Variants in TNRC6A observed in about 807,000 individuals in gnomAD.
The protein encoded by TNRC6A is trinucleotide repeat-containing gene 6A protein.
In TNRC6A, 44 loss-of-function variants were observed where a neutral mutation model predicts 221.2. That is an observed-to-expected ratio of 0.20 (90% CI 0.16 to 0.26). The LOEUF (loss-of-function observed/expected upper bound fraction) is 0.26, where lower values mean the gene tolerates loss of function less well. TNRC6A is among the 10% of genes least tolerant of loss of function. The probability of loss-of-function intolerance (pLI) is 1.00; values close to 1 mark genes in which losing one functional copy is unlikely to be tolerated. For missense variants in TNRC6A, 2,199 were observed against 2,404.4 expected, an observed-to-expected ratio of 0.91 and a Z score of 1.79; for synonymous variants, 847 against 838.5, an observed-to-expected ratio of 1.01 and a Z score of -0.18.
intron 2 of TNRC6A, among the ~76,000 whole-genome samples, chr16:24,684,302 G>T (rs545277008): frequency 1.3e-5 from 2 of 152,126 alleles, no homozygotes. Flanking sequence ...CTACTTGGGG[G>T]GCTGAGGTGG....
intron 1 of TNRC6A, 119 bp downstream of exon 1, chr16:24,729,965 C>T (rs1490717898): frequency 2.1e-6 from 2 of 958,858 alleles, no homozygotes; most frequent in Non-Finnish European, 2.6e-6. Context: ...GACTTCGGGC[C>T]TCGGCGGGAG....
At chr16:24,620,606 G>A (rs921472683) in intron 1 of TNRC6A, among the ~76,000 whole-genome samples, 5 of 152,016 alleles carry the variant, frequency 3.3e-5, no homozygotes, top group Admixed American at 1.3e-4. Flanking sequence ...TCAGGAGTTC[G>A]AGACCAGCTT....
intron 23 of TNRC6A, 51 bp from the exon 24 acceptor site, chr16:24,822,823 G>A (rs2058793494): frequency 6.2e-7 from 1 of 1,609,432 alleles, no homozygotes; most frequent in South Asian, 1.1e-5. Context: ...ACAGCCTCCT[G>A]GAGGGCCCGC....
intron 2 of TNRC6A, among the ~76,000 whole-genome samples, chr16:24,705,035 A>G (rs1457992405): frequency 6.6e-6 from 1 of 152,294 alleles, no homozygotes; most frequent in East Asian, 1.9e-4. Context: ...GCGCAAGTGG[A>G]GTCATTCTAG....
At chr16:24,793,415 T>C (rs1742943748) in intron 6 of TNRC6A, 58 bp from the exon 7 acceptor site, 1 of 1,296,182 alleles carries the variant, frequency 7.7e-7, no homozygotes, top group South Asian at 2.9e-5. Context: ...TTGTCCCTTA[T>C]TCCACTGCAC....
At chr16:24,805,879 A>C in intron 15 of TNRC6A, 146 bp downstream of exon 15, 2 of 1,134,910 alleles carry the variant, frequency 1.8e-6, no homozygotes, top group South Asian at 3.1e-5. Flanking sequence ...CGGGGGAGAC[A>C]GATCGTGAAC....
At position 24,777,166 on chromosome 16, in the gene TNRC6A, C is replaced by T. The variant is rs757394964; in HGVS notation, c.397C>T (p.Pro133Ser). The T allele has an allele frequency of 3.7e-6, 6 of 1,614,050 alleles. No homozygotes were observed. The African/African-American group carries it at 4.0e-5, about 11-fold the overall frequency. ...QQQPQALPRY[P>S]REVPPRFRHQ... ...GCAGCCACAGGCCTTGCCTCGGTAT[C>T]CTCGTGAAGTACCTCCACGATTTCG... The change falls in exon 5 of 25, where the codon CCT becomes TCT. Residue 133 changes from proline (P) to serine (S), a missense_variant. Physicochemically the swap from Pro to Ser is moderately conservative, Grantham distance 74. Around this residue, in one of 8 missense-constraint regions of TNRC6A, gnomAD observed 1,405 missense variants for 1,400.2 expected, o/e 1.00. Coordinates refer to ENST00000395799, the MANE Select transcript of TNRC6A (RefSeq NM_014494.4).
chr16:24,761,351 A>G (rs2057358634), intron 4 of TNRC6A, among the ~76,000 whole-genome samples: 1 of 152,228 alleles, frequency 6.6e-6, no homozygotes, highest in African/African-American at 2.4e-5. Flanking sequence ...TCTTACGAGT[A>G]TGTCCTTGAA....
intron 2 of TNRC6A, among the ~76,000 whole-genome samples, 196 bp downstream of exon 2, chr16:24,730,496 TAAAAA>T (rs371676645): frequency 3.7e-5 from 5 of 135,156 alleles, no homozygotes; most frequent in African/African-American, 1.1e-4. Flanking sequence ...TTTCTTTCTT[TAAAAA>T]AAAAAAAAAA....
chr16:24,811,958 A>G (rs2058551579), intron 18 of TNRC6A, among the ~76,000 whole-genome samples: 1 of 150,568 alleles, frequency 6.6e-6, no homozygotes, highest in South Asian at 2.1e-4. Context: ...CCGCTAGACC[A>G]TAAACCAAAC....
chr16:24,757,612 C>T (rs553977769), intron 3 of TNRC6A, among the ~76,000 whole-genome samples: 2 of 152,104 alleles, frequency 1.3e-5, no homozygotes, highest in Non-Finnish European at 2.9e-5. Context: ...CTAGTCACCT[C>T]GAGTTAACCC....
chr16:24,673,754 T>A (rs2055352261), intron 2 of TNRC6A, among the ~76,000 whole-genome samples: 1 of 152,050 alleles, frequency 6.6e-6, no homozygotes, highest in African/African-American at 2.4e-5. Flanking sequence ...AGAGACAGAC[T>A]TTTGCCAGCC....
At chr16:24,795,388 G>A (rs2058198105) in intron 8 of TNRC6A, among the ~76,000 whole-genome samples, 1 of 152,164 alleles carries the variant, frequency 6.6e-6, no homozygotes, top group Non-Finnish European at 1.5e-5. Flanking sequence ...GGGAAGCACT[G>A]ATTTAGAGCA....
chr16:24,760,122 T>C (rs896271148), intron 4 of TNRC6A, among the ~76,000 whole-genome samples: 2 of 152,044 alleles, frequency 1.3e-5, no homozygotes, highest in Non-Finnish European at 2.9e-5. Context: ...TTCTTAGCTC[T>C]TTCATGTTCA....
At chr16:24,713,449 CAAA>C (rs1054244436) in intron 2 of TNRC6A, among the ~76,000 whole-genome samples, 107 of 77,842 alleles carry the variant, frequency 1.4e-3, no homozygotes, top group African/African-American at 4.8e-3. Flanking sequence ...AACAAACAAA[CAAA>C]AAAATATATA....
chr16:24,772,142 A>G (rs2057625123), intron 4 of TNRC6A, among the ~76,000 whole-genome samples: 1 of 152,202 alleles, frequency 6.6e-6, no homozygotes, highest in Admixed American at 6.5e-5. Context: ...GATAGATTGT[A>G]CATAGTATTT....
intron 2 of TNRC6A, among the ~76,000 whole-genome samples, chr16:24,656,986 A>G (rs2141882271): frequency 6.6e-6 from 1 of 152,300 alleles, no homozygotes; most frequent in Non-Finnish European, 1.5e-5. Flanking sequence ...AAATAAAACC[A>G]TGACCTGGGT....
chr16:24,739,513 C>G (rs1366392530), intron 2 of TNRC6A, among the ~76,000 whole-genome samples: 1 of 128,172 alleles, frequency 7.8e-6, no homozygotes, highest in South Asian at 2.4e-4. Context: ...GAGTCTTGCT[C>G]TGTCGCCCAG....
intron 1 of TNRC6A, among the ~76,000 whole-genome samples, chr16:24,610,658 C>G (rs572383870): frequency 2.0e-5 from 3 of 152,270 alleles, no homozygotes; most frequent in African/African-American, 7.2e-5. Context: ...AGCAGCGCTG[C>G]GCTGGCTCTG....
Sources: gnomAD v4.1 joint callset for allele counts (sites outside exome capture counted in the v4.1 genomes callset) on GRCh38, gnomAD v4.1.1 for gene constraint, gnomAD v4.1.1 regional missense constraint, MANE v1.5 for transcripts, NCBI Gene and HGNC (gene_info 2026-07-23, HGNC 2026-07-21) for gene names.